Variants in PLB1 observed in about 807,000 individuals in gnomAD.
PLB1 encodes phospholipase B1, membrane-associated.
Under a neutral mutation model 227.4 loss-of-function variants are expected in PLB1, and 242 were observed. The ratio of observed to expected loss-of-function variants is 1.06; its 90% CI spans 0.96 to 1.18. The LOEUF (loss-of-function observed/expected upper bound fraction) is 1.18. Among genes scored for constraint, PLB1 ranks in the 50% most tolerant of loss-of-function variants. PLB1 has a pLI of 0.00. For synonymous variants in PLB1, 757 were observed against 682.2 expected (o/e 1.11, Z -1.71); for missense variants, 1,858 against 1,816.3 (o/e 1.02, Z -0.42).
chr2:28,609,134 T>G (rs1685090762), intron 43 of PLB1, among the ~76,000 whole-genome samples: 1 of 152,146 alleles, frequency 6.6e-6, no homozygotes, highest in Non-Finnish European at 1.5e-5. Flanking sequence ...TTGCTCAGGC[T>G]GATTTTGAAC....
chr2:28,525,349 G>A, intron 5 of PLB1, 42 bp downstream of exon 5: 1 of 1,589,092 alleles, frequency 6.3e-7, no homozygotes, highest in Non-Finnish European at 8.6e-7. Flanking sequence ...GGAGCCCGGA[G>A]ATGCTCCCAT....
intron 19 of PLB1, 89 bp downstream of exon 19, chr2:28,565,442 CA>C: frequency 2.5e-6 from 3 of 1,205,782 alleles, no homozygotes; most frequent in Non-Finnish European, 3.5e-6. Flanking sequence ...ACGCCTTAAG[CA>C]GAAGGGTGGG....
Position 28,540,423 on chromosome 2 carries a change from G to A in PLB1, c.756G>A (p.Val252=). 2.5e-6 allele frequency: 4 copies of A among 1,614,000 alleles called. No individual in the cohort carries two copies. The highest frequency in any genetic ancestry group is 2.5e-6 in the Non-Finnish European group (3 of 1,179,986). ...AGACCACCCGGCTGGCCAAGGTGGT[G>A]ATGCAGTGGTCTTATCAGGTGAGCC... The part of the protein sequence containing the change: ...SEETTRLAKV[V]MQWSYQEAWN... Residue 252 remains valine (V), a synonymous_variant, in exon 12 of 58, where the codon GTG becomes GTA. Transcript: ENST00000327757.
chr2:28,536,002 G>C (rs1477833159), intron 9 of PLB1, among the ~76,000 whole-genome samples: 2 of 152,182 alleles, frequency 1.3e-5, no homozygotes, highest in Non-Finnish European at 2.9e-5. Flanking sequence ...TGTTGAGAAG[G>C]TGGGCACCAG....
chr2:28,638,675 A>T (rs1053309896), intron 56 of PLB1, among the ~76,000 whole-genome samples: 3 of 151,864 alleles, frequency 2.0e-5, no homozygotes, highest in African/African-American at 7.3e-5. Context: ...AACTGGGTGG[A>T]TGATTGAGCA....
chr2:28,592,554 C>T (rs1682148480), intron 31 of PLB1, 107 bp from the exon 32 acceptor site: 4 of 1,107,364 alleles, frequency 3.6e-6, no homozygotes, highest in African/African-American at 1.5e-5. Context: ...TGCATGGCCC[C>T]AGTGCTCATG....
Position 28,643,144 on chromosome 2 carries a change from ACATGCTTCAATG to A in PLB1, c.*85_*96del. On this transcript the variant is annotated 3_prime_UTR_variant, in exon 58 of 58. Coordinates refer to ENST00000327757, the MANE Select transcript of PLB1 (RefSeq NM_153021.5). ...GCCCCAGCCACTCCCGGCCACCAGGACATGCTTCAATGCCTGGTGCCATAGGAAGCCCAGGGG... is the reference window on the plus strand; with the variant it reads ...GCCCCAGCCACTCCCGGCCACCAGGACCTGGTGCCATAGGAAGCCCAGGGG... 2 of 1,336,688 alleles carry A rather than the reference ACATGCTTCAATG, an allele frequency of 1.5e-6. No homozygotes were observed. The highest frequency in any genetic ancestry group is 3.2e-5 in the South Asian group (2 of 62,092). The allele number at this position is 1,336,688 out of a possible 1,614,324, so 82.8% of individuals were successfully genotyped here.
chr2:28,614,654 G>C (rs1363318891), intron 44 of PLB1, among the ~76,000 whole-genome samples: 2 of 152,224 alleles, frequency 1.3e-5, no homozygotes. Flanking sequence ...GAGGACCCCG[G>C]ACTATACCAT....
intron 17 of PLB1, among the ~76,000 whole-genome samples, chr2:28,557,189 GC>G (rs1675278315): frequency 6.6e-6 from 1 of 152,136 alleles, no homozygotes; most frequent in Non-Finnish European, 1.5e-5. Flanking sequence ...GTGTTTCCCT[GC>G]CCTTTGGTTT....
rs376667885 is a variant in PLB1, at chr2:28,629,054, T to C, written c.3727-40T>C. Reference sequence around the variant, plus strand: ...ATGACCCCCAGGTTCCTCCCAGCAGTAGCCAGTGCCCTAACGAAACCACCC... The same window carrying C: ...ATGACCCCCAGGTTCCTCCCAGCAGCAGCCAGTGCCCTAACGAAACCACCC... On this transcript the variant is annotated intron_variant, in intron 52 of 57. Transcript: ENST00000327757. 2.2e-5 allele frequency: 34 copies of C among 1,566,886 alleles called. No individual in the cohort carries two copies. The Middle Eastern group carries it at 6.8e-4, about 31-fold the overall frequency.
Position 28,543,214 on chromosome 2 carries a change from G to C in PLB1, c.882G>C (p.Glu294Asp), listed in dbSNP as rs763264292. Residue 294 changes from glutamate to aspartate, a missense_variant and splice_region_variant, in exon 14 of 58, where the codon GAG becomes GAC. Physicochemically the swap from Glu to Asp is conservative, Grantham distance 45. Coordinates refer to ENST00000327757, the MANE Select transcript of PLB1 (RefSeq NM_153021.5). Reference sequence around the variant, plus strand: ...GCTGTCAACTGGTTCTCTTTTAGGAGGACCCCCGACTCCAGGATTCTACCA... The same window carrying C: ...GCTGTCAACTGGTTCTCTTTTAGGACGACCCCCGACTCCAGGATTCTACCA... ...FYETTPSLHS[E>D]DPRLQDSTTL... The C allele has an allele frequency of 1.9e-6, 3 of 1,609,760 alleles. No individual in the cohort carries two copies. Among genetic ancestry groups the C allele is most frequent in the South Asian group, 1.1e-5 (1 of 89,782 alleles).
At chr2:28,630,434 G>A in intron 53 of PLB1, 152 bp from the exon 54 acceptor site, 1 of 584,704 alleles carries the variant, frequency 1.7e-6, no homozygotes, top group Middle Eastern at 4.5e-4. Context: ...GTATTGTGGG[G>A]ATACTTGTGT....
intron 1 of PLB1, among the ~76,000 whole-genome samples, chr2:28,503,938 A>G (rs536038674): frequency 4.6e-5 from 7 of 152,304 alleles, no homozygotes; most frequent in Admixed American, 2.0e-4. Flanking sequence ...GATGAGACGA[A>G]ATGCTGTGGC....
At chr2:28,533,936 A>G (rs1671342266) in intron 9 of PLB1, among the ~76,000 whole-genome samples, 1 of 152,244 alleles carries the variant, frequency 6.6e-6, no homozygotes, top group African/African-American at 2.4e-5. Flanking sequence ...TCTAAAAACT[A>G]AAACATCAGT....
intron 17 of PLB1, among the ~76,000 whole-genome samples, chr2:28,562,717 C>T (rs1425114001): frequency 6.6e-6 from 1 of 151,902 alleles, no homozygotes; most frequent in Non-Finnish European, 1.5e-5. Context: ...ATCACCTTGC[C>T]AAGGGCCTGC....
At chr2:28,536,750 C>T (rs1671736985) in intron 9 of PLB1, among the ~76,000 whole-genome samples, 1 of 152,172 alleles carries the variant, frequency 6.6e-6, no homozygotes. Context: ...TTATGTATGA[C>T]CTTATAGAGG....
At position 28,504,450 on chromosome 2, in the gene PLB1, G is replaced by T. The variant is rs148876582; in HGVS notation, c.55+8281G>T. Among the ~76,000 whole-genome samples the T allele has an allele frequency of 2.9e-3, 440 of 152,156 alleles. 4 individuals carry two copies. Among genetic ancestry groups the T allele is most frequent in the African/African-American group, 0.01 (422 of 41,492 alleles). ...AGTTTGTCTTATTTTAAAAAACATAGTCATTGTAAGGGCCAGGCGCAGTGG... is the reference window on the plus strand; with the variant it reads ...AGTTTGTCTTATTTTAAAAAACATATTCATTGTAAGGGCCAGGCGCAGTGG... On this transcript the variant is annotated intron_variant, in intron 1 of 57. Coordinates refer to ENST00000327757, the MANE Select transcript of PLB1 (RefSeq NM_153021.5).
chr2:28,502,954 AGTTTT>A (rs1572621676), intron 1 of PLB1, among the ~76,000 whole-genome samples: 1 of 151,976 alleles, frequency 6.6e-6, no homozygotes, highest in East Asian at 1.9e-4. Context: ...CACTTTGGAA[AGTTTT>A]TTTTTCTAGG....
intron 1 of PLB1, among the ~76,000 whole-genome samples, chr2:28,513,906 T>C (rs1239243810): frequency 6.6e-6 from 1 of 152,256 alleles, no homozygotes. Context: ...CTTGCTGCTA[T>C]AAAATTATAC....
Sources: gnomAD v4.1 joint callset for allele counts (sites outside exome capture counted in the v4.1 genomes callset) on GRCh38, gnomAD v4.1.1 for gene constraint, MANE v1.5 for transcripts, NCBI Gene and HGNC (gene_info 2026-07-23, HGNC 2026-07-21) for gene names.